Variants in KDM1A observed in about 807,000 individuals in gnomAD.
KDM1A encodes the protein lysine demethylase 1A.
Under a neutral mutation model 109.4 loss-of-function variants are expected in KDM1A, and 49 were observed. The ratio of observed to expected loss-of-function variants is 0.45; its 90% confidence interval spans 0.36 to 0.57. The LOEUF (loss-of-function observed/expected upper bound fraction) is 0.57, where lower values mean the gene tolerates loss of function less well. Ranked by LOEUF, KDM1A falls within the 20% of genes least tolerant of loss-of-function variation. KDM1A has a pLI of 0.00. For missense variants in KDM1A, 668 were observed against 1,116.6 expected, an observed-to-expected ratio of 0.60 and a Z score of 5.73; for synonymous variants, 380 against 415.4, an observed-to-expected ratio of 0.91 and a Z score of 1.04.
intron 2 of KDM1A, among the ~76,000 whole-genome samples, chr1:23,038,871 A>G (rs141800194): frequency 2.0e-5 from 3 of 152,100 alleles, no homozygotes; most frequent in African/African-American, 7.2e-5. Flanking sequence ...TAACCCAGGG[A>G]TTGCTATTCT....
At chr1:23,053,342 A>G (rs1642728071) in intron 4 of KDM1A, among the ~76,000 whole-genome samples, 1 of 152,176 alleles carries the variant, frequency 6.6e-6, no homozygotes, top group Admixed American at 6.5e-5. Flanking sequence ...ATTAAAGGAA[A>G]GCCCATGTTT....
intron 2 of KDM1A, among the ~76,000 whole-genome samples, chr1:23,041,680 ATCCGCCCACC>A (rs1356724066): frequency 1.3e-5 from 2 of 151,544 alleles, no homozygotes; most frequent in Admixed American, 1.3e-4. Context: ...TGACCTCGTG[ATCCGCCCACC>A]TCGGCCTCCC....
intron 1 of KDM1A, among the ~76,000 whole-genome samples, chr1:23,025,124 A>G (rs371735949): frequency 2.0e-5 from 3 of 152,230 alleles, no homozygotes; most frequent in Admixed American, 2.0e-4. Context: ...ACATGTGGCT[A>G]TTAAGTTTAA....
At position 23,078,869 on chromosome 1, in the gene KDM1A, T is replaced by C. The variant is rs2281182; in HGVS notation, c.1868-121T>C. 463 of 895,764 alleles carry C rather than the reference T, an allele frequency of 5.2e-4. 6 individuals are homozygous for C. The East Asian group carries it at 0.011, about 22-fold the overall frequency. The allele number at this position is 895,764 out of a possible 1,614,324, so 55.5% of individuals were successfully genotyped here. On this transcript the variant is annotated intron_variant, in intron 16 of 20. Transcript: ENST00000400181. Reference sequence around the variant, plus strand: ...AGTTTTCTTATGTGAAACATGAAGGTAATGAAAATAGAAAAATGAGAATTG... The same window carrying C: ...AGTTTTCTTATGTGAAACATGAAGGCAATGAAAATAGAAAAATGAGAATTG...
At position 23,079,023 on chromosome 1, in the gene KDM1A, C is replaced by T. The variant is rs1363624048; in HGVS notation, c.1901C>T (p.Thr634Met). 1.2e-6 allele frequency: 2 copies of T among 1,613,972 alleles called. No individual in the cohort carries two copies. The highest frequency in any genetic ancestry group is 1.3e-5 in the African/African-American group (1 of 74,912). The change falls in exon 17 of 21, where the codon ACG becomes ATG. Residue 634 changes from threonine (T) to methionine (M), a missense_variant. Transcript: ENST00000400181. The surrounding 1 kb of genome is among the most constrained non-coding windows in gnomAD (Gnocchi z 5.6). ...CEVIAVNTRS[T>M]SQTFIYKCDA... ...GTGATAGCTGTGAATACCCGCTCCA[C>T]GAGTCAAACCTTTATTTATAAATGC...
intron 2 of KDM1A, among the ~76,000 whole-genome samples, chr1:23,041,707 C>T (rs1176974262): frequency 6.6e-6 from 1 of 151,910 alleles, no homozygotes; most frequent in Non-Finnish European, 1.5e-5. Context: ...TCCCAAAGTG[C>T]TGGGATTACA....
intron 2 of KDM1A, among the ~76,000 whole-genome samples, chr1:23,039,744 C>T (rs1329008070): frequency 1.3e-5 from 2 of 152,208 alleles, no homozygotes; most frequent in Non-Finnish European, 2.9e-5. Flanking sequence ...ATCCAGATCT[C>T]TCGGGAATTG....
intron 9 of KDM1A, among the ~76,000 whole-genome samples, chr1:23,063,161 G>A (rs1435352743): frequency 1.5e-5 from 2 of 130,750 alleles, no homozygotes; most frequent in Admixed American, 8.4e-5. Context: ...GTAATGAAAG[G>A]GTATCTTAAT....
chr1:23,066,292 G>A (rs932316937), intron 10 of KDM1A, among the ~76,000 whole-genome samples: 1 of 152,132 alleles, frequency 6.6e-6, no homozygotes, highest in Admixed American at 6.5e-5. Context: ...GGTGTGGGTG[G>A]ACTAAGGGGG....
At position 23,021,318 on chromosome 1, in the gene KDM1A, A is replaced by T. The variant is rs551921392; in HGVS notation, c.351+1371A>T. 2.6e-5 allele frequency among the ~76,000 whole-genome samples: 4 copies of T among 152,318 alleles called. No homozygotes were observed. In the South Asian group the frequency reaches 8.3e-4, roughly 32 times the overall value. On this transcript the variant is annotated intron_variant, in intron 1 of 20. Coordinates refer to ENST00000400181, the MANE Select transcript of KDM1A (RefSeq NM_001009999.3). ...GGGCAGAAGTCAAGAGTGTTATTTT[A>T]CGATTTCAATAGACAGGTGGCCAGA...
At position 23,068,640 on chromosome 1, in the gene KDM1A, T is replaced by G; in HGVS notation, c.1281T>G (p.Asn427Lys). The G allele has an allele frequency of 6.2e-7, 1 of 1,600,018 alleles. No individual in the cohort carries two copies. The highest frequency in any genetic ancestry group is 8.5e-7 in the Non-Finnish European group (1 of 1,176,696). ...SHQLDFNVLN[N>K]KPVSLGQALE... The stretch of plus-strand genomic sequence containing the variant: ...AACTAGACTTCAATGTCCTCAATAA[T>G]AAGCCTGTGTCCCTTGGCCAGGCAT... The change falls in exon 11 of 21, where the codon AAT becomes AAG. Residue 427 changes from asparagine (N) to lysine (K), a missense_variant. Coordinates refer to ENST00000400181, the MANE Select transcript of KDM1A (RefSeq NM_001009999.3).
intron 1 of KDM1A, among the ~76,000 whole-genome samples, chr1:23,027,789 G>C (rs145143410): frequency 6.8e-6 from 1 of 147,826 alleles, no homozygotes; most frequent in Non-Finnish European, 1.5e-5. Context: ...CATGGCAGAA[G>C]AAACTTCATT....
At position 23,019,608 on chromosome 1, in the gene KDM1A, G is replaced by A. The variant is rs1237462542; in HGVS notation, c.12G>A (p.Gly4=). The part of the protein sequence containing the change: MLS[G]KKAAAAAAAA... ...CCCGGCGGCCCGAGATGTTATCTGG[G>A]AAGAAGGCGGCAGCCGCGGCGGCGG... The change falls in exon 1 of 21, where the codon GGG becomes GGA. Residue 4 remains glycine (G), a synonymous_variant. Transcript: ENST00000400181. 4 of 1,428,862 alleles carry A rather than the reference G, an allele frequency of 2.8e-6. No homozygotes were observed. Among genetic ancestry groups the A allele is most frequent in the African/African-American group, 3.0e-5 (2 of 67,108 alleles). The allele number at this position is 1,428,862 out of a possible 1,614,324, so 88.5% of individuals were successfully genotyped here.
chr1:23,022,961 A>G (rs1641686045), intron 1 of KDM1A, among the ~76,000 whole-genome samples: 2 of 152,106 alleles, frequency 1.3e-5, no homozygotes, highest in Non-Finnish European at 2.9e-5. Context: ...TTGAGCCTCC[A>G]TATCCTTCTT....
At chr1:23,065,025 G>A (rs1427800124) in intron 9 of KDM1A, among the ~76,000 whole-genome samples, 4 of 152,194 alleles carry the variant, frequency 2.6e-5, no homozygotes, top group South Asian at 2.1e-4. Flanking sequence ...GTGTTGCAGG[G>A]TAGAAATCCA....
At chr1:23,076,425 G>A (rs1486528942) in intron 15 of KDM1A, among the ~76,000 whole-genome samples, 2 of 151,708 alleles carry the variant, frequency 1.3e-5, no homozygotes, top group Non-Finnish European at 2.9e-5. Flanking sequence ...ACTTAGTTTT[G>A]GAAATCTTCC....
At chr1:23,034,097 G>A (rs192069677) in intron 2 of KDM1A, among the ~76,000 whole-genome samples, 97 of 152,246 alleles carry the variant, frequency 6.4e-4, no homozygotes, top group African/African-American at 2.1e-3. Context: ...ATTTTTGACC[G>A]TAAGTTAATG....
intron 1 of KDM1A, 73 bp downstream of exon 1, chr1:23,020,020 G>C (rs919669787): frequency 2.2e-6 from 3 of 1,364,934 alleles, no homozygotes; most frequent in African/African-American, 1.5e-5. Context: ...GCCCTCCCCC[G>C]CCGCCGCCGG....
In KDM1A at chr1:23,068,704, T is replaced by C. The variant is rs202186305; in HGVS notation, c.1322+23T>C. The C allele has an allele frequency of 1.2e-4, 182 of 1,492,994 alleles. 1 individual carries two copies. Among genetic ancestry groups the C allele is most frequent in the South Asian group, 7.7e-4 (53 of 68,556 alleles). 92.5% of individuals were successfully genotyped at this position (1,492,994 alleles called of 1,614,324 possible). ...TCAGTAAGTACTTTGATACTGCTTA[T>C]TGTATAGTGAGTTCCATGTGTAAAG... On this transcript the variant is annotated intron_variant, in intron 11 of 20. Transcript: ENST00000400181.
Sources: allele counts gnomAD v4.1 joint callset (sites outside exome capture counted in the v4.1 genomes callset), GRCh38; gene constraint gnomAD v4.1.1; non-coding constraint Gnocchi (gnomAD v3.1); transcripts MANE v1.5; gene names NCBI Gene and HGNC (gene_info 2026-07-23, HGNC 2026-07-21).